THRB: variants seen among roughly 807,000 people sequenced by gnomAD.
The protein encoded by THRB is thyroid hormone receptor beta.
A neutral mutation model predicts 47.8 loss-of-function variants in THRB; 12 were observed. The observed-to-expected ratio is 0.25, with a 90% CI of 0.16 to 0.41. The LOEUF (loss-of-function observed/expected upper bound fraction) is 0.41, where lower values mean the gene tolerates loss of function less well. Ranked by LOEUF, THRB falls within the 10% of genes least tolerant of loss-of-function variation. The pLI is 1.00. For synonymous variants in THRB, 218 were observed against 212.2 expected, an observed-to-expected ratio of 1.03 and a Z score of -0.24; for missense variants, 348 against 589.2, an observed-to-expected ratio of 0.59 and a Z score of 4.24.
At chr3:24,289,366 A>G (rs893617012) in intron 3 of THRB, among the ~76,000 whole-genome samples, 13 of 152,236 alleles carry the variant, frequency 8.5e-5, no homozygotes, top group African/African-American at 3.1e-4. Flanking sequence ...AGGTTAAAAC[A>G]TAAAAAATTG....
intron 1 of THRB, chr3:24,430,205 C>T (rs1415015619): frequency 2.0e-5 from 3 of 151,922 alleles, no homozygotes; most frequent in Non-Finnish European, 4.4e-5. Context: ...AATGAAATAT[C>T]CAGGATCCTT....
At chr3:24,252,987 G>T (rs1468655161) in intron 3 of THRB, among the ~76,000 whole-genome samples, 5 of 152,054 alleles carry the variant, frequency 3.3e-5, no homozygotes, top group Non-Finnish European at 7.4e-5. Context: ...TTAGATTCTG[G>T]ATCATGTATA....
chr3:24,273,779 C>G (rs976180545), intron 3 of THRB, among the ~76,000 whole-genome samples: 20 of 152,144 alleles, frequency 1.3e-4, no homozygotes, highest in African/African-American at 4.8e-4. Context: ...GAGCACAATA[C>G]TATCTTCCCG....
intron 1 of THRB, among the ~76,000 whole-genome samples, chr3:24,433,638 ACAG>A (rs2070665669): frequency 6.6e-6 from 1 of 152,196 alleles, no homozygotes; most frequent in Non-Finnish European, 1.5e-5. Context: ...GTAATTTGTT[ACAG>A]CAGCAACAGG....
In THRB at chr3:24,291,590, G is replaced by A. The variant is rs906609426; in HGVS notation, c.-43+5636C>T. 4.6e-5 allele frequency among the ~76,000 whole-genome samples: 7 copies of A among 152,282 alleles called. 1 individual carries two copies. The highest frequency in any genetic ancestry group is 1.4e-4 in the African/African-American group (6 of 41,562). Reference sequence around the variant, plus strand: ...TAATGCAATGTAAATGCTATGTAAAGAGTTGTTATACTGTATTGTTTAGCA... The same window carrying A: ...TAATGCAATGTAAATGCTATGTAAAAAGTTGTTATACTGTATTGTTTAGCA... On this transcript the variant is annotated intron_variant, in intron 3 of 10. Coordinates refer to ENST00000646209, the MANE Select transcript of THRB (RefSeq NM_001354712.2).
At chr3:24,278,053 G>T (rs987649111) in intron 3 of THRB, among the ~76,000 whole-genome samples, 2 of 152,144 alleles carry the variant, frequency 1.3e-5, no homozygotes, top group Non-Finnish European at 2.9e-5. Flanking sequence ...TGAAGGGCTT[G>T]GGGATTTAAG....
chr3:24,392,181 T>C (rs1050312939), intron 1 of THRB, among the ~76,000 whole-genome samples: 16 of 152,306 alleles, frequency 1.1e-4, no homozygotes, highest in African/African-American at 2.6e-4. Context: ...CATTTTATTA[T>C]GGTTTAATTT....
In THRB at chr3:24,340,400, T is replaced by TTC. The variant is rs145048631; in HGVS notation, c.-260-3031_-260-3030dup. Among the ~76,000 whole-genome samples, 1,296 of 148,616 alleles carry TTC rather than the reference T, an allele frequency of 8.7e-3. 18 individuals carry two copies. Among genetic ancestry groups the TTC allele is most frequent in the African/African-American group, 0.029 (1,183 of 40,670 alleles). On this transcript the variant is annotated intron_variant, in intron 1 of 10. Coordinates refer to ENST00000646209, the MANE Select transcript of THRB (RefSeq NM_001354712.2). ...CTTCCTCCTCCTCTTCCACCTTCTT[T>TTC]TCTCTCTCTCTCTCTCTCTCTCATC...
intron 5 of THRB, among the ~76,000 whole-genome samples, chr3:24,155,635 T>C (rs1460745727): frequency 6.6e-6 from 1 of 152,254 alleles, no homozygotes; most frequent in Non-Finnish European, 1.5e-5. Context: ...TTGTATTTCC[T>C]GTTGTATTTT....
At chr3:24,491,201 A>G (rs1276238668) in intron 1 of THRB, among the ~76,000 whole-genome samples, 2 of 152,176 alleles carry the variant, frequency 1.3e-5, no homozygotes, top group Non-Finnish European at 2.9e-5. Flanking sequence ...TAGTTTAATT[A>G]TCTTCCCTCC....
chr3:24,195,118 TA>T (rs1308837839), intron 4 of THRB, among the ~76,000 whole-genome samples: 1 of 152,222 alleles, frequency 6.6e-6, no homozygotes, highest in Non-Finnish European at 1.5e-5. Flanking sequence ...CTTCAACCCA[TA>T]AGGTTTAGCC....
chr3:24,302,745 A>G (rs1419910265), intron 2 of THRB, among the ~76,000 whole-genome samples: 2 of 152,228 alleles, frequency 1.3e-5, no homozygotes, highest in African/African-American at 4.8e-5. Context: ...AGCACTTGCC[A>G]CCATCTGGCT....
intron 1 of THRB, among the ~76,000 whole-genome samples, chr3:24,492,831 A>G (rs951043087): frequency 6.6e-6 from 1 of 152,210 alleles, no homozygotes; most frequent in African/African-American, 2.4e-5. Flanking sequence ...ATAAAAGTAT[A>G]CCTTTGCATT....
chr3:24,126,232 C>T (rs1200000951), intron 10 of THRB, among the ~76,000 whole-genome samples: 2 of 151,982 alleles, frequency 1.3e-5, no homozygotes, highest in African/African-American at 4.8e-5. Context: ...TTTCTCTCTA[C>T]AAAACAATAA....
chr3:24,193,619 T>C, intron 4 of THRB, among the ~76,000 whole-genome samples: 1 of 152,002 alleles, frequency 6.6e-6, no homozygotes, highest in East Asian at 1.9e-4. Flanking sequence ...AGATTGCAGG[T>C]ATGGATGTAA....
chr3:24,467,927 G>A (rs752874261), intron 1 of THRB, among the ~76,000 whole-genome samples: 23 of 152,208 alleles, frequency 1.5e-4, no homozygotes, highest in Non-Finnish European at 2.4e-4. Flanking sequence ...CTCTAGCTAT[G>A]AAAGTCCTAG....
chr3:24,463,008 C>G lies in THRB; in HGVS notation c.-261+31644G>C, dbSNP rs184855482. Among the ~76,000 whole-genome samples the G allele has an allele frequency of 1.1e-4, 17 of 152,268 alleles. No individual in the cohort carries two copies. The East Asian group carries it at 2.7e-3, about 24-fold the overall frequency. On this transcript the variant is annotated intron_variant, in intron 1 of 10. Transcript: ENST00000646209. Reference sequence around the variant, plus strand: ...TAGGGTCACACAACTTGGCTTCCCTCCTGGACAGAGGGGAAACTCATTCCA... The same window carrying G: ...TAGGGTCACACAACTTGGCTTCCCTGCTGGACAGAGGGGAAACTCATTCCA...
intron 1 of THRB, among the ~76,000 whole-genome samples, chr3:24,387,820 C>T (rs945880223): frequency 2.4e-4 from 37 of 152,010 alleles, no homozygotes; most frequent in Non-Finnish European, 1.5e-4. Flanking sequence ...AATCCTGTTC[C>T]ACTAGCTTCT....
chr3:24,227,887 G>T (rs2047833717), intron 4 of THRB, among the ~76,000 whole-genome samples: 1 of 152,148 alleles, frequency 6.6e-6, no homozygotes, highest in Non-Finnish European at 1.5e-5. Flanking sequence ...AGGCTGGAAG[G>T]TATATAGCTG....
Sources: allele counts gnomAD v4.1 joint callset (sites outside exome capture counted in the v4.1 genomes callset), GRCh38; gene constraint gnomAD v4.1.1; transcripts MANE v1.5; gene names NCBI Gene and HGNC (gene_info 2026-07-23, HGNC 2026-07-21).